Variants in DUSP15 observed in about 807,000 individuals in gnomAD.
DUSP15 encodes the protein dual specificity protein phosphatase 15.
In DUSP15, 23 loss-of-function variants were observed where a neutral mutation model predicts 26.3. The ratio of observed to expected loss-of-function variants is 0.87; its 90% confidence interval spans 0.63 to 1.24. The LOEUF is 1.24. Among genes scored for constraint, DUSP15 ranks in the 50% most tolerant of loss-of-function variants. The pLI, the probability that DUSP15 is intolerant of heterozygous loss-of-function variation, is 0.00. For synonymous variants in DUSP15, 143 were observed against 135.5 expected (o/e 1.06, Z -0.39); for missense variants, 364 against 320.6 (o/e 1.14, Z -1.03).
intron 6 of DUSP15, among the ~76,000 whole-genome samples, chr20:31,850,925 G>T (rs1279816029): frequency 6.6e-6 from 1 of 152,206 alleles, no homozygotes; most frequent in African/African-American, 2.4e-5. Context: ...AGGCTGTGAG[G>T]GTGGGAGAGG....
chr20:31,849,121 C>T (rs6141619), intron 8 of DUSP15, among the ~76,000 whole-genome samples: 1 of 152,028 alleles, frequency 6.6e-6, no homozygotes, highest in Non-Finnish European at 1.5e-5. Flanking sequence ...TCTTCCTTGG[C>T]CCCTATGCCC....
chr20:31,859,808 C>T (rs572638523), downstream of DUSP15, among the ~76,000 whole-genome samples: 11 of 152,222 alleles, frequency 7.2e-5, no homozygotes, highest in Non-Finnish European at 1.2e-4. Context: ...TTAAATGGGG[C>T]GTCTGGCAGC....
At chr20:31,863,570 G>C (rs2062705740) in intron 5 of DUSP15, 2 of 251,036 alleles carry the variant, frequency 8.0e-6, no homozygotes, top group Non-Finnish European at 1.6e-5. Context: ...GCCTGGAGGG[G>C]AGGAGGGAGG....
At chr20:31,868,859 G>A (rs1313288779) in intron 2 of DUSP15, among the ~76,000 whole-genome samples, 2 of 152,222 alleles carry the variant, frequency 1.3e-5, no homozygotes, top group African/African-American at 4.8e-5. Flanking sequence ...CAGCCTGGAA[G>A]CCCCTGAAGA....
At chr20:31,859,704 C>T (rs2062613860), downstream of DUSP15, among the ~76,000 whole-genome samples, 1 of 152,206 alleles carries the variant, frequency 6.6e-6, no homozygotes, top group Non-Finnish European at 1.5e-5. Context: ...GTCACCCAGG[C>T]TGGAGTGCAG....
chr20:31,861,209 C>G lies in DUSP15; in HGVS notation c.*194G>C. On this transcript the variant is annotated 3_prime_UTR_variant, in exon 7 of 7. Coordinates refer to ENST00000339738, the MANE Select transcript of DUSP15 (RefSeq NM_080611.5). The stretch of plus-strand genomic sequence containing the variant: ...AAGGCACCAGGTGGCTGCAGCAGGC[C>G]GGCCCGGACACAGAGACGCACAGGT... 2.2e-6 allele frequency: 3 copies of G among 1,351,190 alleles called. No individual in the cohort carries two copies. Among genetic ancestry groups the G allele is most frequent in the Non-Finnish European group, 2.8e-6 (3 of 1,058,084 alleles). The allele number at this position is 1,351,190 out of a possible 1,614,324, so 83.7% of individuals were successfully genotyped here.
At chr20:31,856,671 G>A (rs998701124), downstream of DUSP15, among the ~76,000 whole-genome samples, 7 of 152,076 alleles carry the variant, frequency 4.6e-5, no homozygotes, top group African/African-American at 1.7e-4. Flanking sequence ...TTTGGGGTGT[G>A]TTGAGTTTGA....
intron 9 of DUSP15, chr20:31,848,615 G>A (rs1285477045): frequency 3.3e-6 from 5 of 1,504,178 alleles, no homozygotes; most frequent in East Asian, 2.4e-5. Context: ...TTCCCGCCTC[G>A]GATGTTCCCA....
chr20:31,861,180 G>A lies in DUSP15; in HGVS notation c.*223C>T. On this transcript the variant is annotated 3_prime_UTR_variant, in exon 7 of 7. Transcript: ENST00000339738. ...GGTGGGCCCCCTCCCCCAGCCCAAG[G>A]ACTAAGGCACCAGGTGGCTGCAGCA... 7.4e-7 allele frequency: 1 copy of A among 1,346,756 alleles called. No individual in the cohort carries two copies. The highest frequency in any genetic ancestry group is 9.5e-7 in the Non-Finnish European group (1 of 1,056,100). The allele number at this position is 1,346,756 out of a possible 1,614,324, so 83.4% of individuals were successfully genotyped here. A position where few individuals can be genotyped will look rare whatever the true frequency, so the allele number is the denominator to read the frequency against.
At chr20:31,864,232 T>C in intron 4 of DUSP15, 1 of 1,254,450 alleles carries the variant, frequency 8.0e-7, no homozygotes, top group Non-Finnish European at 1.0e-6. Flanking sequence ...GCAGGAGCAC[T>C]CCTCCTGTGG....
intron 7 of DUSP15, among the ~76,000 whole-genome samples, chr20:31,850,327 G>A (rs1296636475): frequency 2.0e-5 from 3 of 152,214 alleles, no homozygotes; most frequent in Admixed American, 1.3e-4. Flanking sequence ...CCACTTAGGA[G>A]CTTTCCCAGG....
intron 5 of DUSP15, among the ~76,000 whole-genome samples, chr20:31,863,164 T>C (rs991081788): frequency 1.3e-5 from 2 of 151,258 alleles, no homozygotes; most frequent in African/African-American, 4.9e-5. Flanking sequence ...GAGATCCACA[T>C]AGGAAGAGGT....
upstream of DUSP15, chr20:31,870,596 C>T: frequency 1.4e-6 from 2 of 1,393,284 alleles, no homozygotes; most frequent in Non-Finnish European, 9.3e-7. This position sits in a 1 kb window ranked among gnomAD's most constrained non-coding sequence, Gnocchi z 6.6. Flanking sequence ...ATGTGGGGCC[C>T]CCGCCTCGGG....
At chr20:31,856,273 G>C (rs1444990984), downstream of DUSP15, among the ~76,000 whole-genome samples, 1 of 152,162 alleles carries the variant, frequency 6.6e-6, no homozygotes, top group African/African-American at 2.4e-5. Flanking sequence ...AGGGAGTGGA[G>C]ACAGATGAGG....
intron 2 of DUSP15, among the ~76,000 whole-genome samples, chr20:31,869,019 G>A (rs78623481): frequency 0.024 from 3,709 of 152,248 alleles, 50 homozygotes; most frequent in Non-Finnish European, 0.037. Context: ...TCTGGGGTGC[G>A]ACAGTGTTGG....
chr20:31,847,301 G>A (rs550309580), downstream of DUSP15, among the ~76,000 whole-genome samples: 2 of 152,308 alleles, frequency 1.3e-5, no homozygotes, highest in East Asian at 3.9e-4. Context: ...TGCCTCTTCA[G>A]TGAGGGGCAG....
intron 6 of DUSP15, among the ~76,000 whole-genome samples, chr20:31,854,105 T>G (rs1385404234): frequency 6.6e-6 from 1 of 152,222 alleles, no homozygotes; most frequent in Non-Finnish European, 1.5e-5. Flanking sequence ...CATCAGGAGA[T>G]GTATTGCTAC....
rs970406517 is a variant in DUSP15 at position 31,867,224 on chromosome 20, C to T, written c.56-71G>A. 3 of 1,370,502 alleles carry T rather than the reference C, an allele frequency of 2.2e-6. No individual in the cohort carries two copies. In the East Asian group the frequency reaches 7.5e-5, roughly 34 times the overall value. 84.9% of individuals were successfully genotyped at this position (1,370,502 alleles called of 1,614,324 possible). A position where few individuals can be genotyped will look rare whatever the true frequency, so the allele number is the denominator to read the frequency against. On this transcript the variant is annotated intron_variant, in intron 2 of 6. Coordinates refer to ENST00000339738, the MANE Select transcript of DUSP15 (RefSeq NM_080611.5). Reference sequence around the variant, plus strand: ...CTGATGGCCAAGTGCGGAGGGAGCTCACTGCCTGCCCAGCTCTCCCTCTCA... The same window carrying T: ...CTGATGGCCAAGTGCGGAGGGAGCTTACTGCCTGCCCAGCTCTCCCTCTCA...
At chr20:31,846,946 A>G (rs573650735), downstream of DUSP15, among the ~76,000 whole-genome samples, 1 of 152,256 alleles carries the variant, frequency 6.6e-6, no homozygotes, top group South Asian at 2.1e-4. Context: ...GGATATGAAC[A>G]TGGCTGCGGA....
Sources: gnomAD v4.1 joint callset for allele counts (sites outside exome capture counted in the v4.1 genomes callset) on GRCh38, gnomAD v4.1.1 for gene constraint, Gnocchi (gnomAD v3.1) non-coding constraint, MANE v1.5 for transcripts, NCBI Gene and HGNC (gene_info 2026-07-23, HGNC 2026-07-21) for gene names.